The following NELL1 variants were observed in gnomAD, a reference collection of about 807,000 sequenced individuals.
The protein encoded by NELL1 is protein kinase C-binding protein NELL1.
In NELL1, 76 loss-of-function variants were observed where a neutral mutation model predicts 107.4. That is an observed-to-expected ratio of 0.71 (90% CI 0.59 to 0.86). The LOEUF (loss-of-function observed/expected upper bound fraction) is 0.86. Among genes scored for constraint, NELL1 ranks in the 40% least tolerant of loss-of-function variants. The pLI, the probability that NELL1 is intolerant of heterozygous loss-of-function variation, is 0.00. For missense variants in NELL1, 1,024 were observed against 1,005.5 expected, an observed-to-expected ratio of 1.02 and a Z score of -0.25; for synonymous variants, 353 against 341.2, an observed-to-expected ratio of 1.03 and a Z score of -0.38.
chr11:21,163,946 G>A (rs989700771), intron 13 of NELL1, among the ~76,000 whole-genome samples: 16 of 152,194 alleles, frequency 1.1e-4, no homozygotes, highest in Admixed American at 1.0e-3. Flanking sequence ...ATAAGGGTGA[G>A]GCCCTAATGC....
chr11:21,315,322 TCTATG>T (rs1381006106), intron 14 of NELL1, among the ~76,000 whole-genome samples: 1 of 152,190 alleles, frequency 6.6e-6, no homozygotes, highest in Non-Finnish European at 1.5e-5. Context: ...GGAACCAGAA[TCTATG>T]CTCCTAGCTA....
At chr11:21,182,909 A>T (rs1302334623) in intron 13 of NELL1, among the ~76,000 whole-genome samples, 1 of 151,848 alleles carries the variant, frequency 6.6e-6, no homozygotes, top group Non-Finnish European at 1.5e-5. Context: ...TGGACTGAAG[A>T]ATCATTGCTA....
intron 2 of NELL1, among the ~76,000 whole-genome samples, chr11:20,690,375 G>T (rs1854430598): frequency 6.6e-6 from 1 of 152,182 alleles, no homozygotes; most frequent in African/African-American, 2.4e-5. Context: ...TGTCCTGAAT[G>T]GTGATGCCTG....
At chr11:21,505,495 A>AAACTC (rs918763881) in intron 15 of NELL1, among the ~76,000 whole-genome samples, 3 of 152,154 alleles carry the variant, frequency 2.0e-5, no homozygotes, top group Non-Finnish European at 2.9e-5. Flanking sequence ...TGTACTTTAT[A>AAACTC]AACTCATCTC....
At position 21,575,005 on chromosome 11, in the gene NELL1, T is replaced by C; in HGVS notation, c.2416T>C (p.Cys806Arg). 6.2e-7 allele frequency: 1 copy of C among 1,610,608 alleles called. No homozygotes were observed. The highest frequency in any genetic ancestry group is 1.1e-5 in the South Asian group (1 of 90,978). Residue 806 changes from cysteine (C) to arginine (R), a missense_variant, in exon 20 of 20, where the codon TGT becomes CGT. By Grantham distance (180) the Cys-to-Arg change is radical. Transcript: ENST00000357134. ...AGTCTGTTGTTCTGTGGATTTTGAG[T>C]GTCTTCAAAATAATTGAAGTATTTA... ...GRVCCSVDFE[C>R]LQNN
chr11:21,246,023 G>A (rs369899881), intron 14 of NELL1, among the ~76,000 whole-genome samples: 2 of 150,674 alleles, frequency 1.3e-5, no homozygotes, highest in Non-Finnish European at 3.0e-5. Context: ...AATACAAATT[G>A]TTTTTTTTTG....
At chr11:20,861,178 C>T (rs779631107) in intron 4 of NELL1, among the ~76,000 whole-genome samples, 10 of 152,066 alleles carry the variant, frequency 6.6e-5, no homozygotes, top group Non-Finnish European at 1.5e-4. Flanking sequence ...TGCCCTTAAT[C>T]GTATTGCACA....
Position 21,035,425 on chromosome 11 carries a change from A to G in NELL1, c.1300+74865A>G, listed in dbSNP as rs1186933111. On this transcript the variant is annotated intron_variant, in intron 12 of 19. Transcript: ENST00000357134. The stretch of plus-strand genomic sequence containing the variant: ...ACCTGGTAGAGACACAACAAAAAAA[A>G]TAAAACTTCAGGCCAATATCCTTGA... 3.9e-5 allele frequency among the ~76,000 whole-genome samples: 6 copies of G among 152,184 alleles called. No individual in the cohort carries two copies. The South Asian group carries it at 6.2e-4, about 16-fold the overall frequency.
At chr11:20,790,603 G>T (rs77469047) in intron 3 of NELL1, among the ~76,000 whole-genome samples, 4,331 of 152,248 alleles carry the variant, frequency 0.028, 204 homozygotes, top group African/African-American at 0.098. Context: ...GCCTGGGTCT[G>T]CAGCCACAGT....
At chr11:21,404,013 C>CCG (rs1554905751) in intron 15 of NELL1, among the ~76,000 whole-genome samples, 6 of 115,210 alleles carry the variant, frequency 5.2e-5, no homozygotes, top group African/African-American at 1.3e-4. Context: ...GAACCCCCCC[C>CCG]CCCGCAATCA....
chr11:20,932,529 CT>C (rs926514062), intron 9 of NELL1, among the ~76,000 whole-genome samples: 1 of 152,192 alleles, frequency 6.6e-6, no homozygotes, highest in African/African-American at 2.4e-5. Context: ...CTGCCAAACA[CT>C]TTGTCAGTTC....
At chr11:21,515,865 A>G (rs1190741103) in intron 15 of NELL1, among the ~76,000 whole-genome samples, 1 of 152,210 alleles carries the variant, frequency 6.6e-6, no homozygotes, top group Non-Finnish European at 1.5e-5. Context: ...GAGGAGGTAG[A>G]GCAAATGAAG....
intron 4 of NELL1, among the ~76,000 whole-genome samples, chr11:20,884,708 T>A (rs1480612039): frequency 2.6e-5 from 4 of 152,198 alleles, no homozygotes; most frequent in Non-Finnish European, 4.4e-5. Context: ...TCTGTATTAG[T>A]TATGTGCCTG....
intron 15 of NELL1, among the ~76,000 whole-genome samples, chr11:21,494,908 T>A (rs1365442786): frequency 6.6e-6 from 1 of 151,902 alleles, no homozygotes; most frequent in South Asian, 2.1e-4. Flanking sequence ...AAATTAGTGA[T>A]GTAGAGCCAT....
chr11:21,574,977 AAG>A lies in NELL1; in HGVS notation c.2391_2392del (p.Arg797SerfsTer8). The A allele has an allele frequency of 6.2e-7, 1 of 1,610,758 alleles. No individual in the cohort carries two copies. The highest frequency in any genetic ancestry group is 8.5e-7 in the Non-Finnish European group (1 of 1,177,762). On this transcript the variant is annotated frameshift_variant, in exon 20 of 20. Transcript: ENST00000357134. LOFTEE classifies it high-confidence loss of function. ...PCTTCKCKNG[R>X]VCCSVDFECL... ...CATGTTTCTTTGATGTACAGAATGG[AAG>A]AGTCTGTTGTTCTGTGGATTTTGAG... is the stretch of plus-strand genomic sequence containing the variant.
chr11:20,968,860 A>G (rs1325778405), intron 12 of NELL1, among the ~76,000 whole-genome samples: 1 of 152,020 alleles, frequency 6.6e-6, no homozygotes, highest in Admixed American at 6.6e-5. Context: ...GGAGGTTTTT[A>G]TGGGCCAGGG....
intron 13 of NELL1, among the ~76,000 whole-genome samples, chr11:21,189,257 A>C (rs1377531281): frequency 6.6e-6 from 1 of 151,912 alleles, no homozygotes; most frequent in Non-Finnish European, 1.5e-5. Flanking sequence ...GAATTAATGT[A>C]CTGGCATAAG....
intron 14 of NELL1, among the ~76,000 whole-genome samples, chr11:21,344,536 A>T (rs1850644531): frequency 6.6e-6 from 1 of 152,040 alleles, no homozygotes; most frequent in African/African-American, 2.4e-5. Flanking sequence ...CTGTTTAAAA[A>T]CTCAGCAGTA....
intron 12 of NELL1, among the ~76,000 whole-genome samples, chr11:20,962,206 G>A (rs1851304587): frequency 6.6e-6 from 1 of 151,810 alleles, no homozygotes; most frequent in Non-Finnish European, 1.5e-5. Flanking sequence ...GGTGATGGGA[G>A]TATCAATTTC....
Sources: allele counts gnomAD v4.1 joint callset (sites outside exome capture counted in the v4.1 genomes callset), GRCh38; gene constraint gnomAD v4.1.1; transcripts MANE v1.5; gene names NCBI Gene and HGNC (gene_info 2026-07-23, HGNC 2026-07-21).